ZNF599: variants seen among roughly 807,000 people sequenced by gnomAD.
ZNF599 encodes the protein zinc finger protein 599.
In ZNF599, 10 loss-of-function variants were observed where a neutral mutation model predicts 11.7. The observed-to-expected ratio is 0.86, with a 90% CI of 0.53 to 1.45. The LOEUF (loss-of-function observed/expected upper bound fraction) is 1.45, where lower values mean the gene tolerates loss of function less well. Among genes scored for constraint, ZNF599 ranks in the 40% most tolerant of loss-of-function variants. The pLI, the probability that ZNF599 is intolerant of heterozygous loss-of-function variation, is 0.00. For missense variants in ZNF599, 688 were observed against 713.6 expected (o/e 0.96, Z 0.41); for synonymous variants, 232 against 253.2 (o/e 0.92, Z 0.79).
At chr19:34,780,822 A>G in the ZNF599 span, among the ~76,000 whole-genome samples, 1 of 151,972 alleles carries the variant, frequency 6.6e-6, no homozygotes, top group African/African-American at 2.4e-5. Context: ...GAAAGAAAGA[A>G]AGGAAAAGAA....
chr19:34,792,030 T>G, the ZNF599 span: 1 of 152,238 alleles, frequency 6.6e-6, no homozygotes, highest in Non-Finnish European at 1.5e-5. Context: ...CTCCCTTCCA[T>G]GCAAAGAAAA....
At chr19:34,775,778 TTA>T (rs902364083), upstream of ZNF599, among the ~76,000 whole-genome samples, 30 of 152,346 alleles carry the variant, frequency 2.0e-4, no homozygotes, top group African/African-American at 7.2e-4. Context: ...TAAGCTTTAT[TTA>T]TGAGGATACT....
chr19:34,761,461 A>G (rs2069113206), intron 3 of ZNF599, among the ~76,000 whole-genome samples: 1 of 152,206 alleles, frequency 6.6e-6, no homozygotes, highest in Non-Finnish European at 1.5e-5. Flanking sequence ...GTGGATAGAG[A>G]TCAGTCAGCT....
chr19:34,798,425 A>T, the ZNF599 span, among the ~76,000 whole-genome samples: 3 of 152,196 alleles, frequency 2.0e-5, no homozygotes, highest in Non-Finnish European at 1.5e-5. Flanking sequence ...CTAATCTGGT[A>T]CCACAGAGAT....
chr19:34,770,623 A>G (rs1278006512), intron 1 of ZNF599, among the ~76,000 whole-genome samples: 1 of 152,222 alleles, frequency 6.6e-6, no homozygotes, highest in Non-Finnish European at 1.5e-5. Flanking sequence ...AGCCACGGTT[A>G]GCACATTTCC....
chr19:34,759,315 G>A lies in ZNF599; in HGVS notation c.1486C>T (p.Arg496Ter), dbSNP rs200791072. 1.5e-5 allele frequency: 24 copies of A among 1,614,010 alleles called. No individual in the cohort carries two copies. The highest frequency in any genetic ancestry group is 1.3e-4 in the Admixed American group (8 of 59,992). The change falls in exon 4 of 4, where the codon CGA becomes TGA. Residue 496 changes from arginine to a stop codon, truncating the protein, a stop_gained. Coordinates refer to ENST00000329285, the MANE Select transcript of ZNF599 (RefSeq NM_001007248.3). LOFTEE classifies it low-confidence loss of function (END_TRUNC). ...TCTCCAGTGTGAATCCTCATGTGTC[G>A]AGTGAAGGAAGAGCTATAGTAAAAG... Reference protein sequence around the residue: ...KAFYYSSSFTRHMRIHTGEKP... With the variant: ...KAFYYSSSFT
chr19:34,762,659 G>A (rs1386556148), intron 3 of ZNF599: 1 of 152,134 alleles, frequency 6.6e-6, no homozygotes, highest in Non-Finnish European at 1.5e-5. Context: ...GAAAAAAAAT[G>A]AGTGAACTAC....
chr19:34,778,372 A>G, the ZNF599 span, among the ~76,000 whole-genome samples: 3 of 151,888 alleles, frequency 2.0e-5, no homozygotes, highest in Non-Finnish European at 4.4e-5. Flanking sequence ...TGATTCAGAA[A>G]AAGGATATAC....
chr19:34,803,399 A>G, the ZNF599 span, among the ~76,000 whole-genome samples: 2 of 152,200 alleles, frequency 1.3e-5, no homozygotes, highest in African/African-American at 4.8e-5. Context: ...ATCACACTGC[A>G]GTATAGGAGT....
In ZNF599 at chr19:34,760,127, T is replaced by C; in HGVS notation, c.674A>G (p.Lys225Arg). The C allele has an allele frequency of 6.2e-7, 1 of 1,614,182 alleles. No individual in the cohort carries two copies. The highest frequency in any genetic ancestry group is 1.1e-5 in the South Asian group (1 of 91,084). Residue 225 changes from lysine (K) to arginine (R), a missense_variant, in exon 4 of 4, where the codon AAG (lysine) becomes AGG (arginine). Lys to Arg is a conservative substitution (Grantham distance 26). Transcript: ENST00000329285. ...VRHQQIHAGV[K>R]PYECNECGKA... Reference sequence around the variant, plus strand: ...CCCACACTCATTGCACTCATAGGGCTTCACTCCAGCATGAATCTGTTGATG... The same window carrying C: ...CCCACACTCATTGCACTCATAGGGCCTCACTCCAGCATGAATCTGTTGATG...
the ZNF599 span, among the ~76,000 whole-genome samples, chr19:34,781,155 C>CA: frequency 6.0e-5 from 7 of 116,082 alleles, no homozygotes; most frequent in Admixed American, 6.3e-4. Flanking sequence ...GACTCTGTCT[C>CA]AAAAAAAAAT....
intron 1 of ZNF599, among the ~76,000 whole-genome samples, chr19:34,772,120 C>T (rs1476733215): frequency 6.6e-6 from 1 of 152,232 alleles, no homozygotes; most frequent in Non-Finnish European, 1.5e-5. Flanking sequence ...TGTGCTCACA[C>T]TCCAAGAGAC....
the ZNF599 span, among the ~76,000 whole-genome samples, chr19:34,785,207 C>T: frequency 6.6e-6 from 1 of 152,114 alleles, no homozygotes; most frequent in Non-Finnish European, 1.5e-5. Context: ...CCTCCTTGTC[C>T]TTCTTACCCT....
intron 1 of ZNF599, chr19:34,772,311 G>A: frequency 3.0e-6 from 3 of 989,052 alleles, no homozygotes; most frequent in Non-Finnish European, 3.6e-6. Context: ...CTAGCCTCCT[G>A]CCAAAAATGC....
At chr19:34,799,550 G>A in the ZNF599 span, among the ~76,000 whole-genome samples, 32 of 152,302 alleles carry the variant, frequency 2.1e-4, no homozygotes, top group South Asian at 6.6e-3. Flanking sequence ...AAGTTTTTGT[G>A]TGAACTTAAG....
At chr19:34,785,300 G>A in the ZNF599 span, among the ~76,000 whole-genome samples, 2 of 152,072 alleles carry the variant, frequency 1.3e-5, no homozygotes, top group African/African-American at 2.4e-5. Context: ...TTGGTTTAGC[G>A]AACACCACTT....
At chr19:34,784,946 A>G in the ZNF599 span, among the ~76,000 whole-genome samples, 93 of 146,790 alleles carry the variant, frequency 6.3e-4, no homozygotes, top group African/African-American at 2.3e-3. Flanking sequence ...AGCCATCCAC[A>G]TACTAGATGC....
In ZNF599 at chr19:34,769,537, C is replaced by T. The variant is rs117610843; in HGVS notation, c.37G>A (p.Asp13Asn). The change falls in exon 2 of 4, where the codon GAC becomes AAC. Residue 13 changes from aspartate (D) to asparagine (N), a missense_variant. By Grantham distance (23) the Asp-to-Asn change is conservative. Transcript: ENST00000329285. ...APALALVSFE[D>N]VVVTFTGEEW... Reference sequence around the variant, plus strand: ...TCTCCAGTGAAGGTCACAACCACGTCTTCAAATGATACTAATGCCTGGGAA... The same window carrying T: ...TCTCCAGTGAAGGTCACAACCACGTTTTCAAATGATACTAATGCCTGGGAA... 22,040 of 1,613,890 alleles carry T rather than the reference C, an allele frequency of 0.014. 200 individuals carry two copies. The highest frequency in any genetic ancestry group is 0.017 in the Non-Finnish European group (19,529 of 1,179,796).
rs148185167 is a variant in ZNF599 at position 34,760,104 on chromosome 19, C to T, written c.697G>A (p.Gly233Arg). Residue 233 changes from glycine (G) to arginine (R), a missense_variant, in exon 4 of 4, where the codon GGG becomes AGG. By Grantham distance (125) the Gly-to-Arg change is moderately radical (BLOSUM62 -2). Transcript: ENST00000329285. ...GVKPYECNECGKACRYMADVI... is the reference protein window; with the variant it reads ...GVKPYECNECRKACRYMADVI... Reference sequence around the variant, plus strand: ...TCAGCCATATAACGACAGGCTTTCCCACACTCATTGCACTCATAGGGCTTC... The same window carrying T: ...TCAGCCATATAACGACAGGCTTTCCTACACTCATTGCACTCATAGGGCTTC... The T allele has an allele frequency of 2.1e-5, 34 of 1,614,024 alleles. No homozygotes were observed. Among genetic ancestry groups the T allele is most frequent in the Non-Finnish European group, 2.5e-5 (30 of 1,180,036 alleles).
Sources: allele counts gnomAD v4.1 joint callset (sites outside exome capture counted in the v4.1 genomes callset), GRCh38; gene constraint gnomAD v4.1.1; transcripts MANE v1.5; gene names NCBI Gene and HGNC (gene_info 2026-07-23, HGNC 2026-07-21).